ATP10B: variants seen among roughly 807,000 people sequenced by gnomAD.
ATP10B encodes phospholipid-transporting ATPase VB.
Under a neutral mutation model 141.2 loss-of-function variants are expected in ATP10B, and 122 were observed. That is an observed-to-expected ratio of 0.86 (90% CI 0.75 to 1.00). The LOEUF (loss-of-function observed/expected upper bound fraction) is 1.00. Among genes scored for constraint, ATP10B ranks in the 50% least tolerant of loss-of-function variants. The probability of loss-of-function intolerance (pLI) is 0.00; values close to 1 mark genes in which losing one functional copy is unlikely to be tolerated. For synonymous variants in ATP10B, 685 were observed against 692.0 expected (o/e 0.99, Z 0.16); for missense variants, 1,876 against 1,825.3 (o/e 1.03, Z -0.51).
intron 1 of ATP10B, among the ~76,000 whole-genome samples, chr5:160,822,727 A>C (rs1774204298): frequency 1.3e-5 from 2 of 151,860 alleles, no homozygotes; most frequent in African/African-American, 4.8e-5. Context: ...GATGAAACTG[A>C]AAGTCCTTAT....
chr5:160,889,180 G>A, the ATP10B span, among the ~76,000 whole-genome samples: 279 of 152,262 alleles, frequency 1.8e-3, no homozygotes, highest in African/African-American at 6.6e-3. Flanking sequence ...CCTCTCAACA[G>A]CCACACTAAC....
the ATP10B span, among the ~76,000 whole-genome samples, chr5:160,890,165 T>C: frequency 5.9e-5 from 9 of 152,350 alleles, no homozygotes; most frequent in East Asian, 1.3e-3. Flanking sequence ...ATGTATTATT[T>C]GGCCCATCCT....
At chr5:160,746,435 A>G (rs1449625504) in intron 2 of ATP10B, among the ~76,000 whole-genome samples, 1 of 149,660 alleles carries the variant, frequency 6.7e-6, no homozygotes, top group Non-Finnish European at 1.5e-5. Context: ...TCTATTGCCC[A>G]GGCTGGAGTA....
Position 160,612,928 on chromosome 5 carries a change from G to A in ATP10B, c.2654-3C>T. 4 of 1,608,882 alleles carry A rather than the reference G, an allele frequency of 2.5e-6. No homozygotes were observed. The highest frequency in any genetic ancestry group is 3.4e-6 in the Non-Finnish European group (4 of 1,177,850). On this transcript the variant is annotated splice_region_variant and splice_polypyrimidine_tract_variant and intron_variant, in intron 17 of 25. Transcript: ENST00000327245. ...CCGGTCTTCGATCCCAGTGGCTCCT[G>A]GAGTGATGAAAAACAACAGAGTTCA... is the stretch of plus-strand genomic sequence containing the variant.
At chr5:160,637,494 G>C (rs546276130) in intron 10 of ATP10B, among the ~76,000 whole-genome samples, 9 of 152,342 alleles carry the variant, frequency 5.9e-5, no homozygotes, top group East Asian at 5.8e-4. Context: ...AGTATGAGAG[G>C]TGCAATAGCA....
At chr5:160,707,680 GA>G (rs752394631) in intron 3 of ATP10B, among the ~76,000 whole-genome samples, 4 of 152,174 alleles carry the variant, frequency 2.6e-5, no homozygotes, top group Non-Finnish European at 5.9e-5. Flanking sequence ...AATATCAGAT[GA>G]GTGGAAGAGA....
intron 1 of ATP10B, among the ~76,000 whole-genome samples, chr5:160,842,922 G>A (rs1775897648): frequency 6.6e-6 from 1 of 151,872 alleles, no homozygotes; most frequent in South Asian, 2.1e-4. Flanking sequence ...CATAAAAATA[G>A]AAAACACTTC....
chr5:160,615,713 G>T, intron 17 of ATP10B, 125 bp downstream of exon 17: 2 of 1,272,334 alleles, frequency 1.6e-6, no homozygotes, highest in Non-Finnish European at 1.1e-6. Flanking sequence ...CCAAATACCT[G>T]GAAGGGAACC....
At chr5:160,626,043 G>A (rs1474422998) in intron 13 of ATP10B, among the ~76,000 whole-genome samples, 1 of 152,210 alleles carries the variant, frequency 6.6e-6, no homozygotes, top group African/African-American at 2.4e-5. Context: ...GCTCTTCATG[G>A]CTCCTTTTGC....
upstream of ATP10B, among the ~76,000 whole-genome samples, chr5:160,852,590 A>C (rs185934853): frequency 4.0e-3 from 605 of 152,270 alleles, 4 homozygotes; most frequent in African/African-American, 0.014. Flanking sequence ...CAGAAGTCTC[A>C]TTTTGCAGTA....
the ATP10B span, among the ~76,000 whole-genome samples, chr5:160,877,503 C>T: frequency 6.7e-6 from 1 of 149,524 alleles, no homozygotes; most frequent in Middle Eastern, 3.2e-3. Context: ...CTCACAACTC[C>T]TATTCAACAT....
the ATP10B span, among the ~76,000 whole-genome samples, chr5:160,871,175 C>G: frequency 6.6e-6 from 1 of 151,846 alleles, no homozygotes; most frequent in Non-Finnish European, 1.5e-5. Context: ...TTTAATTGAT[C>G]AAATAGATAA....
intron 3 of ATP10B, among the ~76,000 whole-genome samples, chr5:160,705,424 T>G (rs906126293): frequency 3.3e-5 from 5 of 152,082 alleles, no homozygotes; most frequent in Non-Finnish European, 7.4e-5. Flanking sequence ...GATGGGGGTC[T>G]CACCATTTTG....
chr5:160,571,577 G>A (rs1166817574), intron 24 of ATP10B, among the ~76,000 whole-genome samples: 1 of 152,042 alleles, frequency 6.6e-6, no homozygotes, highest in African/African-American at 2.4e-5. Flanking sequence ...TCTTTTATGA[G>A]GTTCATTATT....
rs114324751 is a variant in ATP10B, at chr5:160,733,970, C to T, written c.-330-16936G>A. Among the ~76,000 whole-genome samples, 1,000 of 150,716 alleles carry T rather than the reference C, an allele frequency of 6.6e-3. 5 individuals are homozygous for T. Among genetic ancestry groups the T allele is most frequent in the African/African-American group, 0.023 (932 of 41,134 alleles). The stretch of plus-strand genomic sequence containing the variant: ...AATACAAAAATTAGATGGGCACCAC[C>T]GGTGGTGCATGCCTGTAGTCCCAGC... On this transcript the variant is annotated intron_variant, in intron 2 of 25. Transcript: ENST00000327245.
the ATP10B span, among the ~76,000 whole-genome samples, chr5:160,903,270 C>A: frequency 1.3e-5 from 2 of 152,188 alleles, no homozygotes; most frequent in Admixed American, 1.3e-4. Flanking sequence ...CCAAGATGGG[C>A]TTTAAAGAAG....
chr5:160,884,933 T>TG, the ATP10B span, among the ~76,000 whole-genome samples: 42 of 152,306 alleles, frequency 2.8e-4, no homozygotes, highest in African/African-American at 1.0e-3. Context: ...ATGTTTTGGT[T>TG]GGGCAGAAAG....
intron 1 of ATP10B, among the ~76,000 whole-genome samples, chr5:160,814,879 C>A (rs2127952664): frequency 6.6e-6 from 1 of 152,182 alleles, no homozygotes; most frequent in South Asian, 2.1e-4. Context: ...CATATCCAGC[C>A]AAACTAAGCT....
chr5:160,764,959 T>C (rs11957968), intron 2 of ATP10B, among the ~76,000 whole-genome samples: 38,763 of 151,752 alleles, frequency 0.26, 5,870 homozygotes, highest in East Asian at 0.42. Context: ...ACCCCTTTTA[T>C]GATAGCTGCA....
Sources: gnomAD v4.1 joint callset for allele counts (sites outside exome capture counted in the v4.1 genomes callset) on GRCh38, gnomAD v4.1.1 for gene constraint, MANE v1.5 for transcripts, NCBI Gene and HGNC (gene_info 2026-07-23, HGNC 2026-07-21) for gene names.